MECOM: variants seen among roughly 807,000 people sequenced by gnomAD.
The protein encoded by MECOM is MDS1 and EVI1 complex locus.
A neutral mutation model predicts 116.3 loss-of-function variants in MECOM; 13 were observed. The observed-to-expected ratio is 0.11, with a 90% CI of 0.07 to 0.18. MECOM has a LOEUF of 0.18. Ranked by LOEUF, MECOM falls within the 10% of genes least tolerant of loss-of-function variation. MECOM has a pLI of 1.00. For synonymous variants in MECOM, 528 were observed against 535.2 expected (o/e 0.99, Z 0.19); for missense variants, 1,299 against 1,509.0 (o/e 0.86, Z 2.31).
At chr3:169,262,830 TG>T (rs1051022022) in intron 2 of MECOM, among the ~76,000 whole-genome samples, 4 of 151,866 alleles carry the variant, frequency 2.6e-5, no homozygotes, top group African/African-American at 9.7e-5. Flanking sequence ...GAATTTATTT[TG>T]TTTTGCCACA....
intron 1 of MECOM, among the ~76,000 whole-genome samples, chr3:169,388,167 A>C (rs912169503): frequency 1.3e-5 from 2 of 152,132 alleles, no homozygotes; most frequent in East Asian, 3.9e-4. Context: ...GCACATGAGC[A>C]CAAGTCCATG....
intron 1 of MECOM, among the ~76,000 whole-genome samples, chr3:169,594,738 T>C (rs1025718088): frequency 2.0e-5 from 3 of 151,700 alleles, no homozygotes; most frequent in African/African-American, 7.3e-5. Context: ...ACAAAGCTTA[T>C]CCTGAGTCTC....
At chr3:169,245,060 A>G (rs1755414152) in intron 2 of MECOM, among the ~76,000 whole-genome samples, 1 of 152,240 alleles carries the variant, frequency 6.6e-6, no homozygotes, top group Non-Finnish European at 1.5e-5. Flanking sequence ...TGTTTTAACA[A>G]TAAAAGAATC....
intron 2 of MECOM, among the ~76,000 whole-genome samples, chr3:169,150,823 C>T (rs886344752): frequency 2.0e-5 from 3 of 152,050 alleles, no homozygotes; most frequent in Non-Finnish European, 4.4e-5. Flanking sequence ...TTGTAAAGAT[C>T]CCCCTTTGGC....
At chr3:169,402,342 G>T (rs529071103) in intron 1 of MECOM, among the ~76,000 whole-genome samples, 1 of 152,302 alleles carries the variant, frequency 6.6e-6, no homozygotes, top group Middle Eastern at 3.4e-3. Flanking sequence ...CTGAGCCCCT[G>T]GGAGGCAATC....
chr3:169,349,241 C>A (rs1170027136), intron 2 of MECOM, among the ~76,000 whole-genome samples: 2 of 151,830 alleles, frequency 1.3e-5, no homozygotes, highest in Non-Finnish European at 2.9e-5. Flanking sequence ...CCTTCTTGCT[C>A]TTTTTCTTTT....
chr3:169,475,657 A>T (rs553240118), intron 1 of MECOM, among the ~76,000 whole-genome samples: 6 of 152,162 alleles, frequency 3.9e-5, no homozygotes, highest in African/African-American at 1.4e-4. Context: ...TTAAATGCAT[A>T]TTTAAAATTC....
At chr3:169,659,279 G>T (rs961555518) in intron 1 of MECOM, among the ~76,000 whole-genome samples, 1 of 151,828 alleles carries the variant, frequency 6.6e-6, no homozygotes, top group Non-Finnish European at 1.5e-5. Context: ...ACACTCACAT[G>T]CACTCTATAG....
chr3:169,320,070 A>G (rs1720586734), intron 2 of MECOM, among the ~76,000 whole-genome samples: 1 of 152,234 alleles, frequency 6.6e-6, no homozygotes, highest in Non-Finnish European at 1.5e-5. Flanking sequence ...TAGTAGATAA[A>G]GAAATGGAGA....
chr3:169,564,727 A>C (rs565723735), intron 1 of MECOM, among the ~76,000 whole-genome samples: 6 of 152,372 alleles, frequency 3.9e-5, no homozygotes, highest in African/African-American at 1.4e-4. Flanking sequence ...TGAACACTAA[A>C]AGGTTTCATG....
In MECOM at chr3:169,484,117, A is replaced by C. The variant is rs1751792023; in HGVS notation, c.38-102593T>G. ...TATTCTGTTATATTTCAATTTCTCT[A>C]GTAAACAAAAAGTGATTCTTTTTAT... On this transcript the variant is annotated intron_variant, in intron 1 of 16. Transcript: ENST00000651503. 6 of 814,380 alleles carry C rather than the reference A, an allele frequency of 7.4e-6. No homozygotes were observed. The Admixed American group carries it at 1.3e-4, about 18-fold the overall frequency. The allele number at this position is 814,380 out of a possible 1,614,324, so 50.4% of individuals were successfully genotyped here.
At chr3:169,421,241 T>C (rs1158756843) in intron 1 of MECOM, among the ~76,000 whole-genome samples, 2 of 152,192 alleles carry the variant, frequency 1.3e-5, no homozygotes, top group Non-Finnish European at 1.5e-5. Context: ...TCATTTATTA[T>C]TAATATGAAA....
intron 2 of MECOM, chr3:169,147,733 T>TGA (rs1553859061): frequency 1.0e-6 from 1 of 975,392 alleles, no homozygotes; most frequent in Admixed American, 6.3e-5. Flanking sequence ...TGTGTGTGTG[T>TGA]GCGCGCGAGT....
At chr3:169,097,817 T>TCAAAAAAAAAAAAAA (rs1722127820) in intron 12 of MECOM, among the ~76,000 whole-genome samples, 1 of 87,194 alleles carries the variant, frequency 1.1e-5, no homozygotes, top group Non-Finnish European at 2.2e-5. Context: ...ACTGTCTATA[T>TCAAAAAAAAAAAAAA]AAAAAAAAAA....
At chr3:169,435,597 C>T (rs1326316938) in intron 1 of MECOM, among the ~76,000 whole-genome samples, 1 of 152,168 alleles carries the variant, frequency 6.6e-6, no homozygotes, top group African/African-American at 2.4e-5. Context: ...ATTCTGCCAG[C>T]AACTGGCCTC....
At chr3:169,624,467 G>T (rs1411923689) in intron 1 of MECOM, among the ~76,000 whole-genome samples, 1 of 152,176 alleles carries the variant, frequency 6.6e-6, no homozygotes, top group East Asian at 1.9e-4. Flanking sequence ...ATATAAGAGA[G>T]ATGGAAAGAC....
chr3:169,337,963 A>C (rs1723850807), intron 2 of MECOM, among the ~76,000 whole-genome samples: 1 of 152,232 alleles, frequency 6.6e-6, no homozygotes, highest in Non-Finnish European at 1.5e-5. Flanking sequence ...CTGTTTACCA[A>C]AGAAAAATAG....
chr3:169,141,398 C>G (rs532326422), intron 3 of MECOM, among the ~76,000 whole-genome samples: 1 of 152,150 alleles, frequency 6.6e-6, no homozygotes, highest in South Asian at 2.1e-4. Flanking sequence ...ATACCAGGGT[C>G]TCTCTCTATA....
intron 2 of MECOM, among the ~76,000 whole-genome samples, chr3:169,296,723 C>T (rs182200805): frequency 6.6e-6 from 1 of 152,262 alleles, no homozygotes; most frequent in East Asian, 1.9e-4. Context: ...AGACTTGGCA[C>T]TTTTGAAACT....
Sources: allele counts gnomAD v4.1 joint callset (sites outside exome capture counted in the v4.1 genomes callset), GRCh38; gene constraint gnomAD v4.1.1; transcripts MANE v1.5; gene names NCBI Gene and HGNC (gene_info 2026-07-23, HGNC 2026-07-21).